The following SMIM14 variants were observed in gnomAD, a reference collection of about 807,000 sequenced individuals.
SMIM14 encodes chromosome 4 open reading frame 34.
A neutral mutation model predicts 12.6 loss-of-function variants in SMIM14; 5 were observed. That is an observed-to-expected ratio of 0.40 (90% confidence interval 0.21 to 0.83). SMIM14 has a LOEUF of 0.83. SMIM14 is among the 40% of genes least tolerant of loss of function. The pLI is 0.37. For missense variants in SMIM14, 86 were observed against 119.1 expected (o/e 0.72, Z 1.29); for synonymous variants, 30 against 40.1 (o/e 0.75, Z 0.95).
intron 1 of SMIM14, among the ~76,000 whole-genome samples, chr4:39,609,759 C>CCA (rs1714955288): frequency 6.6e-6 from 1 of 152,152 alleles, no homozygotes; most frequent in Non-Finnish European, 1.5e-5. Flanking sequence ...TCTAAAAAGA[C>CCA]CACCTCAGCT....
At chr4:39,635,859 A>C (rs1716066583) in intron 1 of SMIM14, among the ~76,000 whole-genome samples, 1 of 152,094 alleles carries the variant, frequency 6.6e-6, no homozygotes, top group Admixed American at 6.6e-5. Flanking sequence ...ATGGGCACAC[A>C]CCAAGACTCA....
chr4:39,553,740 C>T (rs909899656), intron 4 of SMIM14, among the ~76,000 whole-genome samples: 1 of 151,740 alleles, frequency 6.6e-6, no homozygotes, highest in African/African-American at 2.4e-5. Context: ...ATTACAGGCA[C>T]GCGCCACCAT....
rs1486198222 is a variant in SMIM14 at position 39,638,401 on chromosome 4, T to C, written c.-36+338A>G. ...GTGAGTTTTTCCTTCCAGCTACGAC[T>C]CTCTTTTTACTCCATGATACGCCTC... On this transcript the variant is annotated intron_variant, in intron 1 of 4. Transcript: ENST00000295958. 3 of 909,868 alleles carry C rather than the reference T, an allele frequency of 3.3e-6. No homozygotes were observed. In the African/African-American group the frequency reaches 5.4e-5, roughly 16 times the overall value. The allele number at this position is 909,868 out of a possible 1,614,324, so 56.4% of individuals were successfully genotyped here. A position where few individuals can be genotyped will look rare whatever the true frequency, so the allele number is the denominator to read the frequency against.
chr4:39,569,658 A>G (rs1286549895), intron 3 of SMIM14, among the ~76,000 whole-genome samples: 1 of 152,078 alleles, frequency 6.6e-6, no homozygotes, highest in African/African-American at 2.4e-5. Context: ...AATTGCCTGA[A>G]CCTGGGTGGC....
chr4:39,598,490 C>T (rs994598485), intron 2 of SMIM14, among the ~76,000 whole-genome samples: 25 of 151,902 alleles, frequency 1.6e-4, no homozygotes, highest in African/African-American at 6.1e-4. Flanking sequence ...TGTTAAATAC[C>T]CATAGATGTA....
At chr4:39,576,684 ATTTTTTTTTTTTTTTTTTT>A (rs574142564) in intron 2 of SMIM14, among the ~76,000 whole-genome samples, 20 of 25,538 alleles carry the variant, frequency 7.8e-4, no homozygotes, top group Admixed American at 8.1e-4. Flanking sequence ...ATATATATAT[ATTTTTTTTTTTTTTTTTTT>A]TTTTTTTTTT....
intron 1 of SMIM14, among the ~76,000 whole-genome samples, chr4:39,628,680 TCAAA>T (rs1553867568): frequency 2.8e-4 from 24 of 87,092 alleles, no homozygotes; most frequent in East Asian, 2.7e-3. Flanking sequence ...AGACTCCGTC[TCAAA>T]CAAACAAACA....
chr4:39,583,523 C>A (rs1713621746), intron 2 of SMIM14, among the ~76,000 whole-genome samples: 1 of 151,954 alleles, frequency 6.6e-6, no homozygotes, highest in African/African-American at 2.4e-5. Flanking sequence ...CTAGAAGGAG[C>A]CCAACATGGA....
intron 1 of SMIM14, among the ~76,000 whole-genome samples, chr4:39,606,634 C>T (rs1464206117): frequency 1.5e-4 from 9 of 60,024 alleles, no homozygotes; most frequent in African/African-American, 3.6e-4. Flanking sequence ...AGCAAGACTC[C>T]GTCTCAAAAA....
chr4:39,618,897 G>C (rs1310585870), intron 1 of SMIM14, among the ~76,000 whole-genome samples: 3 of 151,986 alleles, frequency 2.0e-5, no homozygotes, highest in Non-Finnish European at 4.4e-5. Flanking sequence ...AATAGACTCA[G>C]TAGGAAGCAG....
chr4:39,587,685 C>T (rs548055411), intron 2 of SMIM14, among the ~76,000 whole-genome samples: 9 of 151,652 alleles, frequency 5.9e-5, no homozygotes, highest in Non-Finnish European at 1.3e-4. Flanking sequence ...GCAGGAGGAA[C>T]GCTTGAGCCC....
At chr4:39,591,932 G>A (rs1031143147) in intron 2 of SMIM14, among the ~76,000 whole-genome samples, 1 of 152,082 alleles carries the variant, frequency 6.6e-6, no homozygotes, top group Non-Finnish European at 1.5e-5. Flanking sequence ...GGTGGCTCAC[G>A]ACTGTAATCT....
intron 1 of SMIM14, among the ~76,000 whole-genome samples, chr4:39,621,686 C>CTTTTTTTTTTTTTTTTTTTTTT (rs57206633): frequency 1.9e-5 from 2 of 105,450 alleles, no homozygotes; most frequent in African/African-American, 3.3e-5. Flanking sequence ...CCAAACGTTT[C>CTTTTTTTTTTTTTTTTTTTTTT]TTTTTTTTTT....
intron 1 of SMIM14, among the ~76,000 whole-genome samples, chr4:39,626,321 AT>A (rs1301163256): frequency 1.3e-5 from 2 of 152,132 alleles, no homozygotes. Flanking sequence ...ATTTATTTAT[AT>A]TCAACAAATC....
chr4:39,559,939 A>G (rs868144470), intron 3 of SMIM14, among the ~76,000 whole-genome samples: 2 of 148,662 alleles, frequency 1.3e-5, no homozygotes, highest in African/African-American at 5.1e-5. Flanking sequence ...CAACATGACA[A>G]AAACCCGTAT....
chr4:39,606,949 T>C (rs1353328179), intron 1 of SMIM14, among the ~76,000 whole-genome samples: 1 of 152,140 alleles, frequency 6.6e-6, no homozygotes, highest in East Asian at 1.9e-4. Context: ...TTTAACAGCA[T>C]AGGAGACATT....
intron 1 of SMIM14, 103 bp from the exon 2 acceptor site, chr4:39,605,283 A>C (rs1392479351): frequency 1.7e-6 from 1 of 588,318 alleles, no homozygotes; most frequent in Non-Finnish European, 2.9e-6. Context: ...ATAGTATTAA[A>C]CTATGTATAG....
At chr4:39,563,532 C>G (rs987574963) in intron 3 of SMIM14, among the ~76,000 whole-genome samples, 12 of 152,218 alleles carry the variant, frequency 7.9e-5, no homozygotes, top group African/African-American at 2.9e-4. Flanking sequence ...CCAAATGAAT[C>G]TGATGCAACA....
chr4:39,553,087 G>GTC (rs1483018983), intron 4 of SMIM14, among the ~76,000 whole-genome samples: 1 of 150,420 alleles, frequency 6.6e-6, no homozygotes, highest in African/African-American at 2.5e-5. Flanking sequence ...TTGAGACAGA[G>GTC]TCTCACTCTG....
Sources: gnomAD v4.1 joint callset for allele counts (sites outside exome capture counted in the v4.1 genomes callset) on GRCh38, gnomAD v4.1.1 for gene constraint, MANE v1.5 for transcripts, NCBI Gene and HGNC (gene_info 2026-07-23, HGNC 2026-07-21) for gene names.